The following ANKRD36B variants were observed in gnomAD, a reference collection of about 807,000 sequenced individuals.
ANKRD36B encodes the protein ankyrin repeat domain 36B, also known as ankyrin repeat domain-containing protein 36B.
ANKRD36B carries 37 observed loss-of-function variants against 135.7 expected under a neutral mutation model. That is an observed-to-expected ratio of 0.27 (90% CI 0.21 to 0.36). ANKRD36B has a LOEUF of 0.36. ANKRD36B is among the 10% of genes least tolerant of loss of function. The pLI is 1.00. For missense variants in ANKRD36B, 549 were observed against 1,037.1 expected (o/e 0.53, Z 6.46); for synonymous variants, 179 against 348.1 (o/e 0.51, Z 5.41).
At chr2:97,570,061 A>G (rs1055343051) in intron 6 of ANKRD36B, among the ~76,000 whole-genome samples, 3 of 152,172 alleles carry the variant, frequency 2.0e-5, no homozygotes, top group Admixed American at 1.3e-4. Flanking sequence ...TTATCTAACC[A>G]TTTTACTGAA....
chr2:97,579,625 T>G (rs1283528927), intron 4 of ANKRD36B, among the ~76,000 whole-genome samples: 1 of 111,758 alleles, frequency 8.9e-6, no homozygotes, highest in East Asian at 2.2e-4. Context: ...TTATATATAA[T>G]CTATAAAATA....
chr2:97,525,735 C>A lies in ANKRD36B; in HGVS notation c.2266-2268G>T, dbSNP rs1209522626. Among the ~76,000 whole-genome samples the A allele has an allele frequency of 6.1e-5, 6 of 97,644 alleles. 2 individuals carry two copies. The East Asian group carries it at 1.2e-3, about 19-fold the overall frequency. The allele number at this position is 97,644 out of a possible 152,430, so 64.1% of individuals were successfully genotyped here. A position where few individuals can be genotyped will look rare whatever the true frequency, so the allele number is the denominator to read the frequency against. Reference sequence around the variant, plus strand: ...CTTTTCCAATGGGCTTAAAAAATGGCGCACCAGGAGATTATATCCTGCACC... The same window carrying A: ...CTTTTCCAATGGGCTTAAAAAATGGAGCACCAGGAGATTATATCCTGCACC... On this transcript the variant is annotated intron_variant, in intron 35 of 43. Coordinates refer to ENST00000359901, the MANE Select transcript of ANKRD36B (RefSeq NM_001393939.1).
intron 1 of ANKRD36B, among the ~76,000 whole-genome samples, chr2:97,587,887 T>C (rs2083131357): frequency 6.6e-6 from 1 of 152,164 alleles, no homozygotes; most frequent in Non-Finnish European, 1.5e-5. Flanking sequence ...CCCATGTGCA[T>C]AGGTTGCTTG....
At chr2:97,550,970 T>G (rs948789694) in intron 18 of ANKRD36B, among the ~76,000 whole-genome samples, 1 of 151,940 alleles carries the variant, frequency 6.6e-6, no homozygotes, top group South Asian at 2.1e-4. Flanking sequence ...GTACTTCCTC[T>G]CTTTCTCCTT....
At chr2:97,571,273 G>T (rs951758485) in intron 6 of ANKRD36B, among the ~76,000 whole-genome samples, 1 of 152,284 alleles carries the variant, frequency 6.6e-6, no homozygotes, top group Admixed American at 6.5e-5. Context: ...GAGATCAAAA[G>T]TTTGAGGCTG....
At chr2:97,557,659 A>G (rs1053729134) in intron 10 of ANKRD36B, among the ~76,000 whole-genome samples, 9 of 151,820 alleles carry the variant, frequency 5.9e-5, no homozygotes, top group African/African-American at 1.9e-4. Context: ...GCCCAGCTTC[A>G]ACAGCTTGGA....
In ANKRD36B at chr2:97,551,509, T is replaced by C. The variant is rs373922937; in HGVS notation, c.1274-29A>G. On this transcript the variant is annotated intron_variant, in intron 16 of 43. Coordinates refer to ENST00000359901, the MANE Select transcript of ANKRD36B (RefSeq NM_001393939.1). Reference sequence around the variant, plus strand: ...AAAAGCAAAAGGGATACATAATCACTCATATGTAACTATGACAAAGTTATC... The same window carrying C: ...AAAAGCAAAAGGGATACATAATCACCCATATGTAACTATGACAAAGTTATC... The C allele has an allele frequency of 9.9e-5, 159 of 1,607,162 alleles. No individual in the cohort carries two copies. In the African/African-American group the frequency reaches 1.9e-3, roughly 19 times the overall value.
chr2:97,494,502 G>GA (rs1476905927), intron 43 of ANKRD36B, among the ~76,000 whole-genome samples: 2 of 107,158 alleles, frequency 1.9e-5, no homozygotes, highest in African/African-American at 5.2e-5. Context: ...ACTCATTAGT[G>GA]AAAAAAGGGC....
In ANKRD36B at chr2:97,558,816, C is replaced by T. The variant is rs762714883; in HGVS notation, c.950G>A (p.Gly317Glu). 5.6e-6 allele frequency: 9 copies of T among 1,611,476 alleles called. No homozygotes were observed. The South Asian group carries it at 9.9e-5, about 18-fold the overall frequency. The change falls in exon 10 of 44, where the codon GGA becomes GAA. Residue 317 changes from glycine (G) to glutamate (E), a missense_variant. Gly to Glu is a moderately conservative substitution (Grantham distance 98, BLOSUM62 -2). Transcript: ENST00000359901. ...AAAATTACCTGTCCCAGATTGTTGT[C>T]CCTCCTTTATTTCTGTGGCTATATT... Reference protein sequence around the residue: ...VSNIATEIKEGQQSGTVSPQK... With the variant: ...VSNIATEIKEEQQSGTVSPQK...
intron 6 of ANKRD36B, among the ~76,000 whole-genome samples, chr2:97,568,678 T>A (rs992749745): frequency 1.3e-5 from 2 of 152,130 alleles, no homozygotes; most frequent in Non-Finnish European, 2.9e-5. Flanking sequence ...ATACTGGGAA[T>A]GGTATGGCAA....
chr2:97,554,974 TGAGCC>T, intron 14 of ANKRD36B, 81 bp downstream of exon 14: 1 of 1,500,728 alleles, frequency 6.7e-7, no homozygotes. Flanking sequence ...GCAGCTTTGA[TGAGCC>T]CCCCCACTGA....
intron 6 of ANKRD36B, among the ~76,000 whole-genome samples, chr2:97,574,633 C>T (rs13017680): frequency 0.56 from 84,615 of 151,854 alleles, 25,202 homozygotes; most frequent in Non-Finnish European, 0.67. Flanking sequence ...TCTCGAAATG[C>T]GGCTGTGTTA....
rs748808491 is a variant in ANKRD36B, at chr2:97,589,666, T to A, written c.20A>T (p.Asp7Val). 3 of 1,614,182 alleles carry A rather than the reference T, an allele frequency of 1.9e-6. No individual in the cohort carries two copies. In the Admixed American group the frequency reaches 5.0e-5, roughly 27 times the overall value. ...GTAGTAATGGGGAAATGCGAAGCCA[T>A]CCGAGCACAAGCGCTCCATGAGGGT... is the stretch of plus-strand genomic sequence containing the variant. MERLCS[D>V]GFAFPHYYIK... Residue 7 changes from aspartate to valine, a missense_variant, in exon 1 of 44, where the codon GAT (aspartate) becomes GTT (valine). Transcript: ENST00000359901.
intron 5 of ANKRD36B, among the ~76,000 whole-genome samples, chr2:97,578,647 A>G (rs1420537454): frequency 1.3e-5 from 2 of 151,992 alleles, no homozygotes; most frequent in African/African-American, 2.4e-5. Context: ...AAAATGGACA[A>G]CATTGGAATC....
chr2:97,566,524 C>A (rs778348385), intron 6 of ANKRD36B, among the ~76,000 whole-genome samples: 4 of 152,006 alleles, frequency 2.6e-5, no homozygotes, highest in Admixed American at 6.6e-5. Context: ...TCCTTTCTTA[C>A]GTGCTTAGCA....
intron 6 of ANKRD36B, among the ~76,000 whole-genome samples, chr2:97,573,888 C>A (rs1468854380): frequency 6.6e-6 from 1 of 152,144 alleles, no homozygotes; most frequent in African/African-American, 2.4e-5. Context: ...AAAATTAATT[C>A]AAGATGGATT....
At chr2:97,510,579 GGTC>G (rs1450178026) in intron 39 of ANKRD36B, among the ~76,000 whole-genome samples, 3 of 18,314 alleles carry the variant, frequency 1.6e-4, no homozygotes, top group Non-Finnish European at 4.9e-4. Flanking sequence ...AGAATAGAAT[GGTC>G]ATATCTATAC....
chr2:97,587,643 A>G (rs1240546929), intron 1 of ANKRD36B, among the ~76,000 whole-genome samples: 1 of 152,214 alleles, frequency 6.6e-6, no homozygotes, highest in Non-Finnish European at 1.5e-5. Context: ...ATGTATCTCT[A>G]TTTCCTAGAG....
chr2:97,561,001 T>C, intron 6 of ANKRD36B, 141 bp from the exon 7 acceptor site: 1 of 738,794 alleles, frequency 1.4e-6, no homozygotes, highest in African/African-American at 1.8e-5. Context: ...TATACTTTGT[T>C]TCTTGGGACT....
Sources: allele counts gnomAD v4.1 joint callset (sites outside exome capture counted in the v4.1 genomes callset), GRCh38; gene constraint gnomAD v4.1.1; transcripts MANE v1.5; gene names NCBI Gene and HGNC (gene_info 2026-07-23, HGNC 2026-07-21).